Variants in KCNH1 observed in about 807,000 individuals in gnomAD.
The protein encoded by KCNH1 is voltage-gated delayed rectifier potassium channel KCNH1.
A neutral mutation model predicts 69.2 loss-of-function variants in KCNH1; 27 were observed. The observed-to-expected ratio is 0.39, with a 90% CI of 0.29 to 0.54. KCNH1 has a LOEUF of 0.54. KCNH1 is among the 20% of genes least tolerant of loss of function. KCNH1 has a pLI of 0.68. For missense variants in KCNH1, 798 were observed against 1,261.6 expected, an observed-to-expected ratio of 0.63 and a Z score of 5.57; for synonymous variants, 456 against 487.7, an observed-to-expected ratio of 0.93 and a Z score of 0.86.
chr1:210,765,943 A>G (rs555133693), intron 10 of KCNH1, among the ~76,000 whole-genome samples: 1 of 152,042 alleles, frequency 6.6e-6, no homozygotes, highest in South Asian at 2.1e-4. Flanking sequence ...GGCACCTGTA[A>G]TCCCAGCTAG....
chr1:210,889,955 A>T (rs1260707904), intron 7 of KCNH1, among the ~76,000 whole-genome samples: 1 of 152,206 alleles, frequency 6.6e-6, no homozygotes, highest in African/African-American at 2.4e-5. Flanking sequence ...TATCATGAAA[A>T]TGGCCATACT....
intron 10 of KCNH1, among the ~76,000 whole-genome samples, chr1:210,762,106 C>A (rs899242704): frequency 3.3e-5 from 5 of 151,958 alleles, no homozygotes; most frequent in Non-Finnish European, 5.9e-5. Flanking sequence ...GGAAACTAAA[C>A]AACTTGCTCC....
intron 6 of KCNH1, among the ~76,000 whole-genome samples, chr1:210,983,454 G>A (rs980241476): frequency 6.6e-6 from 1 of 152,188 alleles, no homozygotes; most frequent in African/African-American, 2.4e-5. Context: ...TGTGTAAGGT[G>A]TAAGGAAGGG....
chr1:210,888,629 T>C (rs1282274828), intron 7 of KCNH1, among the ~76,000 whole-genome samples: 1 of 152,118 alleles, frequency 6.6e-6, no homozygotes, highest in Non-Finnish European at 1.5e-5. Context: ...GAGCTGGTTT[T>C]TTGAAAAGAT....
At chr1:211,111,955 TG>T (rs1691475046) in intron 1 of KCNH1, among the ~76,000 whole-genome samples, 1 of 91,750 alleles carries the variant, frequency 1.1e-5, no homozygotes, top group African/African-American at 4.8e-5. Flanking sequence ...CCCCTCTGCC[TG>T]GCCACTGCAC....
At chr1:210,735,846 A>G (rs2149034007) in intron 10 of KCNH1, among the ~76,000 whole-genome samples, 1 of 152,030 alleles carries the variant, frequency 6.6e-6, no homozygotes, top group East Asian at 1.9e-4. Flanking sequence ...GAGAGAGCGC[A>G]CAAGAGAGAG....
chr1:210,926,774 G>T (rs1053311668), intron 6 of KCNH1, among the ~76,000 whole-genome samples: 7 of 151,828 alleles, frequency 4.6e-5, no homozygotes, highest in Admixed American at 1.3e-4. Context: ...AATCAAGAAG[G>T]CACCAGAGAA....
intron 6 of KCNH1, among the ~76,000 whole-genome samples, chr1:210,977,628 A>G (rs1007562359): frequency 5.9e-5 from 9 of 152,112 alleles, no homozygotes; most frequent in Non-Finnish European, 1.3e-4. Flanking sequence ...TTACATTTTT[A>G]TTTGTATAGC....
intron 10 of KCNH1, among the ~76,000 whole-genome samples, chr1:210,746,550 ATCTTTTCTTTCTT>A (rs1683164806): frequency 6.8e-6 from 1 of 147,252 alleles, no homozygotes; most frequent in Non-Finnish European, 1.5e-5. Flanking sequence ...ATGTCACACA[ATCTTTTCTTTCTT>A]TCTTTCTTTT....
chr1:211,111,408 C>T (rs929611401), intron 1 of KCNH1, among the ~76,000 whole-genome samples: 2 of 145,860 alleles, frequency 1.4e-5, no homozygotes, highest in South Asian at 2.2e-4. Flanking sequence ...AAGTCAGGAG[C>T]GCTTCTGCCC....
intron 9 of KCNH1, among the ~76,000 whole-genome samples, chr1:210,776,419 C>T (rs1480412292): frequency 6.6e-6 from 1 of 152,154 alleles, no homozygotes; most frequent in Non-Finnish European, 1.5e-5. Flanking sequence ...GTGCCCCTCC[C>T]CCATAATTCA....
At chr1:210,878,838 A>G (rs1686434774) in intron 7 of KCNH1, among the ~76,000 whole-genome samples, 1 of 152,098 alleles carries the variant, frequency 6.6e-6, no homozygotes, top group Admixed American at 6.5e-5. Context: ...CAACAAAGCC[A>G]AAAGCTGTTT....
chr1:210,864,770 G>A (rs1686067966), intron 7 of KCNH1, among the ~76,000 whole-genome samples: 1 of 152,154 alleles, frequency 6.6e-6, no homozygotes, highest in African/African-American at 2.4e-5. Flanking sequence ...CAGCAGGATG[G>A]CTTGTCTCTC....
At chr1:210,828,457 A>T (rs560792566) in intron 7 of KCNH1, among the ~76,000 whole-genome samples, 1 of 152,288 alleles carries the variant, frequency 6.6e-6, no homozygotes, top group Admixed American at 6.5e-5. Context: ...AGACCTCAGA[A>T]CACTTATTAG....
chr1:210,901,637 A>T (rs190705694), intron 7 of KCNH1, among the ~76,000 whole-genome samples: 91 of 152,298 alleles, frequency 6.0e-4, no homozygotes, highest in Non-Finnish European at 1.2e-3. Flanking sequence ...ATGATGCAGA[A>T]AAAAAGGGAA....
At chr1:211,071,779 T>G (rs1187977418) in intron 5 of KCNH1, among the ~76,000 whole-genome samples, 1 of 152,176 alleles carries the variant, frequency 6.6e-6, no homozygotes, top group Admixed American at 6.5e-5. Context: ...TCCAAAAAAT[T>G]TTCAGTATAC....
At chr1:211,128,692 C>A (rs1196148617) in intron 1 of KCNH1, among the ~76,000 whole-genome samples, 1 of 152,046 alleles carries the variant, frequency 6.6e-6, no homozygotes, top group Non-Finnish European at 1.5e-5. Flanking sequence ...ATTTGTCGTA[C>A]TGAACAATTA....
intron 7 of KCNH1, chr1:210,860,366 C>T (rs1356384995): frequency 4.9e-6 from 7 of 1,430,120 alleles, no homozygotes; most frequent in Non-Finnish European, 6.9e-6. Flanking sequence ...GTACCAATGA[C>T]CTGTAAGCAG....
intron 7 of KCNH1, among the ~76,000 whole-genome samples, chr1:210,907,480 T>G (rs984734209): frequency 7.3e-5 from 11 of 151,564 alleles, no homozygotes; most frequent in African/African-American, 2.7e-4. Context: ...CCCCACCCAG[T>G]GTCTTCTGGC....
Sources: allele counts gnomAD v4.1 joint callset (sites outside exome capture counted in the v4.1 genomes callset), GRCh38; gene constraint gnomAD v4.1.1; transcripts MANE v1.5; gene names NCBI Gene and HGNC (gene_info 2026-07-23, HGNC 2026-07-21).